Variants in CHIC1 observed in about 807,000 individuals in gnomAD.
CHIC1 encodes cysteine-rich hydrophobic domain-containing protein 1.
A neutral mutation model predicts 18.5 loss-of-function variants in CHIC1; 7 were observed. The ratio of observed to expected loss-of-function variants is 0.38; its 90% CI spans 0.22 to 0.71. CHIC1 has a LOEUF of 0.71. Ranked by LOEUF, CHIC1 falls within the 30% of genes least tolerant of loss-of-function variation. The pLI is 0.49. For missense variants in CHIC1, 159 were observed against 176.9 expected (o/e 0.90, Z 0.57); for synonymous variants, 77 against 73.5 (o/e 1.05, Z -0.25).
At chrX:73,636,203 AT>A (rs1331265990) in intron 3 of CHIC1, among the ~76,000 whole-genome samples, 2 of 111,780 alleles carry the variant, frequency 1.8e-5, no homozygotes, top group Non-Finnish European at 3.8e-5. Context: ...AGCATGTAAT[AT>A]TTTTTATCAT....
chrX:73,658,051 G>A (rs988845329), intron 3 of CHIC1, among the ~76,000 whole-genome samples: 15 of 110,220 alleles, frequency 1.4e-4, no homozygotes, highest in Non-Finnish European at 2.1e-4. Flanking sequence ...CATTGATGTC[G>A]TCAAGGATAT....
chrX:73,673,913 G>A (rs751904565), intron 3 of CHIC1, among the ~76,000 whole-genome samples: 3 of 111,768 alleles, frequency 2.7e-5, no homozygotes, highest in East Asian at 5.7e-4. Context: ...ACTGTTTTGA[G>A]ATATGTCCCA....
chrX:73,656,385 T>A (rs1272865367), intron 3 of CHIC1, among the ~76,000 whole-genome samples: 1 of 112,312 alleles, frequency 8.9e-6, no homozygotes, highest in Non-Finnish European at 1.9e-5. Context: ...CCTGTCTATT[T>A]CCTGAATGGT....
Position 73,610,386 on chromosome X carries a change from C to T in CHIC1, c.507+25814C>T, listed in dbSNP as rs919956630. Among the ~76,000 whole-genome samples, 38 of 107,219 alleles carry T rather than the reference C, an allele frequency of 3.5e-4. 4 individuals are homozygous for T. Among genetic ancestry groups the T allele is most frequent in the African/African-American group, 1.4e-3 (38 of 27,325 alleles). The allele number at this position is 107,219 out of a possible 115,157, so 93.1% of individuals were successfully genotyped here. The stretch of plus-strand genomic sequence containing the variant: ...CCCCACCGTGCTTCTGCTCGCTCTC[C>T]GTGGGTTGCACCCACTGACTAACCA... On this transcript the variant is annotated intron_variant, in intron 3 of 5. Coordinates refer to ENST00000373502, the MANE Select transcript of CHIC1 (RefSeq NM_001039840.4).
intron 3 of CHIC1, among the ~76,000 whole-genome samples, chrX:73,636,563 C>A (rs2057832030): frequency 9.0e-6 from 1 of 111,510 alleles, no homozygotes; most frequent in South Asian, 3.7e-4. Context: ...TATTTCTTTT[C>A]TTCATGTCTT....
chrX:73,684,196 T>TA lies in CHIC1; in HGVS notation c.*3198dup, dbSNP rs1460404133. On this transcript the variant is annotated 3_prime_UTR_variant, in exon 6 of 6. Transcript: ENST00000373502. Reference sequence around the variant, plus strand: ...TTACAGAACCGGACTATCAGTCACTTAAAAAAACAGTATAATTCTAATGCT... The same window carrying TA: ...TTACAGAACCGGACTATCAGTCACTTAAAAAAAACAGTATAATTCTAATGCT... 1.2e-4 allele frequency: 13 copies of TA among 111,114 alleles called. 1 individual carries two copies. Among genetic ancestry groups the TA allele is most frequent in the African/African-American group, 2.9e-4 (9 of 30,736 alleles). 9.2% of individuals were successfully genotyped at this position (111,114 alleles called of 1,213,427 possible). A position where few individuals can be genotyped will look rare whatever the true frequency, so the allele number is the denominator to read the frequency against.
intron 3 of CHIC1, among the ~76,000 whole-genome samples, chrX:73,650,000 T>C (rs1442460991): frequency 1.8e-5 from 2 of 112,280 alleles, no homozygotes; most frequent in Non-Finnish European, 3.8e-5. Context: ...CAGACCACAG[T>C]GCAATCTAAT....
rs922539427 is a variant in CHIC1 at position 73,682,456 on chromosome X, G to C, written c.*1451G>C. ...AGTGTCTAGGGCTCAGTAATATTTT[G>C]TCATCTTACTCTTACTGCTTTTAGT... On this transcript the variant is annotated 3_prime_UTR_variant, in exon 6 of 6. Transcript: ENST00000373502. 1 of 111,109 alleles carries C rather than the reference G, an allele frequency of 9.0e-6. No homozygotes were observed. The highest frequency in any genetic ancestry group is 3.3e-5 in the African/African-American group (1 of 30,718). 9.2% of individuals were successfully genotyped at this position (111,109 alleles called of 1,213,427 possible). A position where few individuals can be genotyped will look rare whatever the true frequency, so the allele number is the denominator to read the frequency against.
rs1244706233 is a variant in CHIC1 at position 73,684,807 on chromosome X, C to T, written c.*3802C>T. The T allele has an allele frequency of 4.5e-5, 5 of 111,338 alleles. No individual in the cohort carries two copies. In the East Asian group the frequency reaches 1.4e-3, roughly 31 times the overall value. The allele number at this position is 111,338 out of a possible 1,213,427, so 9.2% of individuals were successfully genotyped here. A position where few individuals can be genotyped will look rare whatever the true frequency, so the allele number is the denominator to read the frequency against. On this transcript the variant is annotated 3_prime_UTR_variant, in exon 6 of 6. Transcript: ENST00000373502. Reference sequence around the variant, plus strand: ...AATACCTGTTCATGTAGTATGTGGACTAAAACAATTGATATATATCTGTAT... The same window carrying T: ...AATACCTGTTCATGTAGTATGTGGATTAAAACAATTGATATATATCTGTAT...
intron 3 of CHIC1, among the ~76,000 whole-genome samples, chrX:73,618,526 G>A (rs929850240): frequency 9.0e-6 from 1 of 111,311 alleles, no homozygotes; most frequent in Non-Finnish European, 1.9e-5. Flanking sequence ...TGCCTCTGCT[G>A]TGTCATGCAG....
chrX:73,679,263 A>T, intron 3 of CHIC1, 63 bp from the exon 4 acceptor site: 1 of 702,719 alleles, frequency 1.4e-6, no homozygotes, highest in Non-Finnish European at 2.2e-6. Context: ...AAAAATATAG[A>T]TGCACATAGT....
Position 73,607,360 on chromosome X carries a change from T to C in CHIC1, c.507+22788T>C, listed in dbSNP as rs757407261. Among the ~76,000 whole-genome samples the C allele has an allele frequency of 2.8e-5, 3 of 108,262 alleles. No homozygotes were observed. In the South Asian group the frequency reaches 1.2e-3, roughly 42 times the overall value. 94.0% of individuals were successfully genotyped at this position (108,262 alleles called of 115,157 possible). On this transcript the variant is annotated intron_variant, in intron 3 of 5. Coordinates refer to ENST00000373502, the MANE Select transcript of CHIC1 (RefSeq NM_001039840.4). ...CCAAGCTCAGACATCCCAGGTTGAC[T>C]TCAGACTGCTGTGCTGGCATTGAGA...
rs1378155282 is a variant in CHIC1 at position 73,601,468 on chromosome X, C to T, written c.507+16896C>T. Among the ~76,000 whole-genome samples the T allele has an allele frequency of 3.7e-3, 387 of 105,931 alleles. 37 individuals carry two copies. The highest frequency in any genetic ancestry group is 0.014 in the African/African-American group (369 of 26,936). 92.0% of individuals were successfully genotyped at this position (105,931 alleles called of 115,157 possible). A position where few individuals can be genotyped will look rare whatever the true frequency, so the allele number is the denominator to read the frequency against. On this transcript the variant is annotated intron_variant, in intron 3 of 5. Coordinates refer to ENST00000373502, the MANE Select transcript of CHIC1 (RefSeq NM_001039840.4). ...CCTGCTCCCGAATGACTACTGGGTA[C>T]ATAACGAAATGAAGGCAGAAATAAA...
chrX:73,567,199 C>G (rs67501097), intron 1 of CHIC1, among the ~76,000 whole-genome samples: 5,193 of 110,308 alleles, frequency 0.047, 319 homozygotes, highest in African/African-American at 0.16. Flanking sequence ...CTCATAGATT[C>G]AGTTATCTCA....
At chrX:73,632,926 G>A (rs960243297) in intron 3 of CHIC1, among the ~76,000 whole-genome samples, 12 of 107,369 alleles carry the variant, frequency 1.1e-4, no homozygotes, top group South Asian at 4.2e-4. Context: ...CCACCACCAC[G>A]CCCAGCTAAT....
Position 73,660,517 on chromosome X carries a change from A to G in CHIC1, c.508-18809A>G, listed in dbSNP as rs141297764. On this transcript the variant is annotated intron_variant, in intron 3 of 5. Coordinates refer to ENST00000373502, the MANE Select transcript of CHIC1 (RefSeq NM_001039840.4). ...TAATACCCTACGCGAGTTGCAGTGT[A>G]CAACAGAGAGCATAGCAAGGAACAG... is the stretch of plus-strand genomic sequence containing the variant. Among the ~76,000 whole-genome samples, 273 of 112,208 alleles carry G rather than the reference A, an allele frequency of 2.4e-3. 3 individuals are homozygous for G. The highest frequency in any genetic ancestry group is 1.5e-3 in the Non-Finnish European group (79 of 53,197).
intron 3 of CHIC1, among the ~76,000 whole-genome samples, chrX:73,675,167 G>T: frequency 9.0e-6 from 1 of 111,497 alleles, no homozygotes; most frequent in South Asian, 3.8e-4. Flanking sequence ...GGTCAGTTTT[G>T]GAGTAGGTGT....
intron 3 of CHIC1, among the ~76,000 whole-genome samples, chrX:73,622,874 C>G (rs2057766478): frequency 8.9e-6 from 1 of 112,033 alleles, no homozygotes; most frequent in Non-Finnish European, 1.9e-5. Context: ...CCCAGAGATT[C>G]TGGTATGTTG....
Position 73,563,587 on chromosome X carries a change from G to T in CHIC1, c.296+7G>T. On this transcript the variant is annotated splice_region_variant and intron_variant, in intron 1 of 5. Transcript: ENST00000373502. Reference sequence around the variant, plus strand: ...GTGCCGGCCACATCACTGTGTAAGCGAGAGGGGGTCTTGGGACTTGAAATG... The same window carrying T: ...GTGCCGGCCACATCACTGTGTAAGCTAGAGGGGGTCTTGGGACTTGAAATG... 1.9e-6 allele frequency: 2 copies of T among 1,067,145 alleles called. No individual in the cohort carries two copies. Among genetic ancestry groups the T allele is most frequent in the Non-Finnish European group, 2.4e-6 (2 of 822,792 alleles). The allele number at this position is 1,067,145 out of a possible 1,213,427, so 87.9% of individuals were successfully genotyped here.
Sources: gnomAD v4.1 joint callset for allele counts (sites outside exome capture counted in the v4.1 genomes callset) on GRCh38, gnomAD v4.1.1 for gene constraint, MANE v1.5 for transcripts, NCBI Gene and HGNC (gene_info 2026-07-23, HGNC 2026-07-21) for gene names.